PCDHGA7: variants seen among roughly 807,000 people sequenced by gnomAD.
PCDHGA7 encodes protocadherin gamma-A7.
PCDHGA7 carries 44 observed loss-of-function variants against 58.3 expected under a neutral mutation model. The observed-to-expected ratio is 0.75, with a 90% CI of 0.59 to 0.97. The LOEUF (loss-of-function observed/expected upper bound fraction) is 0.97. Among genes scored for constraint, PCDHGA7 ranks in the 50% least tolerant of loss-of-function variants. The pLI is 0.00. For missense variants in PCDHGA7, 1,266 were observed against 1,188.7 expected (o/e 1.06, Z -0.96); for synonymous variants, 516 against 504.2 (o/e 1.02, Z -0.31).
rs1440733700 is a variant in PCDHGA7 at position 141,441,803 on chromosome 5, G to A, written c.2425-53004G>A. 249 of 383,164 alleles carry A rather than the reference G, an allele frequency of 6.5e-4. 2 individuals carry two copies. Among genetic ancestry groups the A allele is most frequent in the African/African-American group, 4.8e-3 (220 of 45,902 alleles). The allele number at this position is 383,164 out of a possible 1,614,324, so 23.7% of individuals were successfully genotyped here. The stretch of plus-strand genomic sequence containing the variant: ...ACCTGAATGACAACGCACCGCGGGT[G>A]CTGTACCCCAGCTCTGGAGCGCAAT... On this transcript the variant is annotated intron_variant, in intron 1 of 3. Coordinates refer to ENST00000518325, the MANE Select transcript of PCDHGA7 (RefSeq NM_018920.4).
chr5:141,415,506 C>G, intron 1 of PCDHGA7: 1 of 1,614,148 alleles, frequency 6.2e-7, no homozygotes, highest in Non-Finnish European at 8.5e-7. Flanking sequence ...TCCCCCAGCC[C>G]AATTATGCGG....
chr5:141,492,934 G>A (rs1382515835), intron 1 of PCDHGA7, among the ~76,000 whole-genome samples: 7 of 152,236 alleles, frequency 4.6e-5, no homozygotes, highest in Admixed American at 4.6e-4. Flanking sequence ...TAGGGTCAGA[G>A]ATTTGGAGGT....
intron 2 of PCDHGA7, among the ~76,000 whole-genome samples, chr5:141,501,333 A>ACACC (rs1186649373): frequency 5.5e-4 from 77 of 140,128 alleles, no homozygotes; most frequent in African/African-American, 6.0e-4. Context: ...ACACACACAC[A>ACACC]CCCCAAACTC....
At chr5:141,450,881 G>A (rs1205242412) in intron 1 of PCDHGA7, among the ~76,000 whole-genome samples, 1 of 149,726 alleles carries the variant, frequency 6.7e-6, no homozygotes, top group African/African-American at 2.5e-5. Flanking sequence ...CTGGTGTGCA[G>A]TGGTGCGATA....
intron 2 of PCDHGA7, 102 bp from the exon 3 acceptor site, chr5:141,505,291 G>A (rs2154593677): frequency 1.3e-6 from 2 of 1,565,092 alleles, no homozygotes; most frequent in Non-Finnish European, 1.7e-6. Context: ...TGGGCATGGG[G>A]TAGGGTTAGG....
chr5:141,400,167 C>A, intron 1 of PCDHGA7: 1 of 1,614,082 alleles, frequency 6.2e-7, no homozygotes, highest in Non-Finnish European at 8.5e-7. Flanking sequence ...CCTCTGACCC[C>A]CAGGCTGAGC....
Position 141,420,299 on chromosome 5 carries a change from T to A in PCDHGA7, c.2424+34976T>A, listed in dbSNP as rs377297222. On this transcript the variant is annotated intron_variant, in intron 1 of 3. Coordinates refer to ENST00000518325, the MANE Select transcript of PCDHGA7 (RefSeq NM_018920.4). Reference sequence around the variant, plus strand: ...GGTAAGTATTTAAAAATGTATTTAATCCTTTTTATATTACAATATGCCAAT... The same window carrying A: ...GGTAAGTATTTAAAAATGTATTTAAACCTTTTTATATTACAATATGCCAAT... 6.8e-6 allele frequency: 10 copies of A among 1,465,980 alleles called. No homozygotes were observed. The African/African-American group carries it at 1.4e-4, about 21-fold the overall frequency. 90.8% of individuals were successfully genotyped at this position (1,465,980 alleles called of 1,614,324 possible). A position where few individuals can be genotyped will look rare whatever the true frequency, so the allele number is the denominator to read the frequency against.
intron 1 of PCDHGA7, among the ~76,000 whole-genome samples, chr5:141,465,904 C>T (rs1364574558): frequency 2.0e-5 from 3 of 152,046 alleles, no homozygotes; most frequent in Admixed American, 6.5e-5. Context: ...GGGCAAATCA[C>T]GAGGTCAGGA....
intron 1 of PCDHGA7, chr5:141,424,630 A>G (rs1440031596): frequency 1.3e-5 from 2 of 152,366 alleles, no homozygotes; most frequent in East Asian, 3.9e-4. Flanking sequence ...TTGTGAATAT[A>G]TAAATAGATT....
chr5:141,383,195 G>T lies in PCDHGA7; in HGVS notation c.296G>T (p.Ser99Ile). The T allele has an allele frequency of 1.2e-6, 2 of 1,614,044 alleles. No homozygotes were observed. Among genetic ancestry groups the T allele is most frequent in the Non-Finnish European group, 1.7e-6 (2 of 1,179,940 alleles). ...GACCGGGAAGAGATCTGCGCTCAGA[G>T]TGCGCGGTGTCTGGTAAACTTTAAC... Reference protein sequence around the residue: ...RIDREEICAQSARCLVNFNIL... With the variant: ...RIDREEICAQIARCLVNFNIL... Residue 99 changes from serine to isoleucine, a missense_variant, in exon 1 of 4, where the codon AGT (serine) becomes ATT (isoleucine). Physicochemically the swap from Ser to Ile is moderately radical, Grantham distance 142. Transcript: ENST00000518325.
At chr5:141,401,368 A>G (rs2094146364) in intron 1 of PCDHGA7, among the ~76,000 whole-genome samples, 3 of 152,186 alleles carry the variant, frequency 2.0e-5, no homozygotes, top group Admixed American at 2.0e-4. Flanking sequence ...GAAGGAGAGG[A>G]AGAAGAAGAA....
intron 2 of PCDHGA7, among the ~76,000 whole-genome samples, chr5:141,501,956 A>G (rs527567012): frequency 6.6e-6 from 1 of 152,136 alleles, no homozygotes; most frequent in Non-Finnish European, 1.5e-5. Context: ...GTGACAGGTC[A>G]TCCTCCTAAC....
intron 1 of PCDHGA7, among the ~76,000 whole-genome samples, chr5:141,471,928 G>A (rs1328213264): frequency 6.6e-6 from 1 of 152,152 alleles, no homozygotes; most frequent in African/African-American, 2.4e-5. Context: ...TTTTGGGGGT[G>A]ATGAGAGTTT....
intron 1 of PCDHGA7, chr5:141,433,370 T>TCTAA (rs1466476027): frequency 1.8e-6 from 1 of 554,768 alleles, no homozygotes; most frequent in African/African-American, 1.9e-5. Context: ...TATCTATCTA[T>TCTAA]CTATCTATCT....
Position 141,454,796 on chromosome 5 carries a change from A to ATTT in PCDHGA7, c.2425-39984_2425-39982dup, listed in dbSNP as rs61612330. 3.3e-3 allele frequency among the ~76,000 whole-genome samples: 253 copies of ATTT among 77,450 alleles called. 31 individuals carry two copies. The highest frequency in any genetic ancestry group is 0.02 in the South Asian group (39 of 1,960). The allele number at this position is 77,450 out of a possible 152,430, so 50.8% of individuals were successfully genotyped here. ...AAGGAAATAATCCTCCATGGTTCTA[A>ATTT]TTTTTTTTTTTTTTTTTTTTTTTTT... On this transcript the variant is annotated intron_variant, in intron 1 of 3. Coordinates refer to ENST00000518325, the MANE Select transcript of PCDHGA7 (RefSeq NM_018920.4).
rs548002755 is a variant in PCDHGA7, at chr5:141,409,062, G to A, written c.2424+23739G>A. On this transcript the variant is annotated intron_variant, in intron 1 of 3. Coordinates refer to ENST00000518325, the MANE Select transcript of PCDHGA7 (RefSeq NM_018920.4). ...TACTACTTCCGAAGCACTGCCCAGAGCACAAAACATATGTTCTCATTGGAT... is the reference window on the plus strand; with the variant it reads ...TACTACTTCCGAAGCACTGCCCAGAACACAAAACATATGTTCTCATTGGAT... The A allele has an allele frequency of 3.1e-6, 5 of 1,614,000 alleles. No homozygotes were observed. The South Asian group carries it at 4.4e-5, about 14-fold the overall frequency.
chr5:141,489,151 A>G lies in PCDHGA7; in HGVS notation c.2425-5656A>G. On this transcript the variant is annotated intron_variant, in intron 1 of 3. Transcript: ENST00000518325. This position sits in a 1 kb window ranked among gnomAD's most constrained non-coding sequence, Gnocchi z 4.5. ...TTTTTAAGAGGCTGGAAGGAGACAT[A>G]AGAGACTTCAGCTGCTGCATTCCAA... is the stretch of plus-strand genomic sequence containing the variant. The G allele has an allele frequency of 4.3e-6, 4 of 932,968 alleles. No individual in the cohort carries two copies. Among genetic ancestry groups the G allele is most frequent in the Non-Finnish European group, 6.4e-6 (4 of 622,052 alleles). 57.8% of individuals were successfully genotyped at this position (932,968 alleles called of 1,614,324 possible).
In PCDHGA7 at chr5:141,485,697, A is replaced by G. The variant is rs76923861; in HGVS notation, c.2425-9110A>G. 48,100 of 1,614,036 alleles carry G rather than the reference A, an allele frequency of 0.03. 1,433 individuals carry two copies. Among genetic ancestry groups the G allele is most frequent in the African/African-American group, 0.15 (11,542 of 75,006 alleles). The stretch of plus-strand genomic sequence containing the variant: ...ATTAGCAGCTATAGGCTGAGCTCCA[A>G]TGAACACTTTGCACTGGATGTGAAG... On this transcript the variant is annotated intron_variant, in intron 1 of 3. Transcript: ENST00000518325. The surrounding 1 kb of genome is among the most constrained non-coding windows in gnomAD (Gnocchi z 5.7).
intron 1 of PCDHGA7, among the ~76,000 whole-genome samples, chr5:141,456,842 A>G (rs1374546355): frequency 6.6e-6 from 1 of 152,150 alleles, no homozygotes; most frequent in African/African-American, 2.4e-5. Flanking sequence ...GGGCGCCTGT[A>G]ATCCCAGCTA....
Sources: allele counts gnomAD v4.1 joint callset (sites outside exome capture counted in the v4.1 genomes callset), GRCh38; gene constraint gnomAD v4.1.1; non-coding constraint Gnocchi (gnomAD v3.1); transcripts MANE v1.5; gene names NCBI Gene and HGNC (gene_info 2026-07-23, HGNC 2026-07-21).